The following SH3D19 variants were observed in gnomAD, a reference collection of about 807,000 sequenced individuals.
SH3D19 encodes SH3 domain-containing protein 19.
Under a neutral mutation model 112.1 loss-of-function variants are expected in SH3D19, and 58 were observed. The observed-to-expected ratio is 0.52, with a 90% confidence interval of 0.42 to 0.64. The LOEUF is 0.64. Among genes scored for constraint, SH3D19 ranks in the 30% least tolerant of loss-of-function variants. The probability of loss-of-function intolerance (pLI) is 0.00; values close to 1 mark genes in which losing one functional copy is unlikely to be tolerated. For missense variants in SH3D19, 1,090 were observed against 1,263.4 expected, an observed-to-expected ratio of 0.86 and a Z score of 2.08; for synonymous variants, 391 against 448.5, an observed-to-expected ratio of 0.87 and a Z score of 1.62.
chr4:151,313,860 C>T (rs982374375), intron 1 of SH3D19, among the ~76,000 whole-genome samples: 8 of 152,176 alleles, frequency 5.3e-5, no homozygotes, highest in African/African-American at 1.2e-4. Flanking sequence ...GGATCATTTA[C>T]ATGGGTGATA....
intron 1 of SH3D19, among the ~76,000 whole-genome samples, chr4:151,320,614 G>A (rs932140145): frequency 6.6e-6 from 1 of 152,034 alleles, no homozygotes; most frequent in African/African-American, 2.4e-5. Context: ...GAGTGGAGGT[G>A]GAAGAAGATA....
At chr4:151,294,761 G>A (rs954989197) in intron 1 of SH3D19, among the ~76,000 whole-genome samples, 1 of 152,212 alleles carries the variant, frequency 6.6e-6, no homozygotes, top group African/African-American at 2.4e-5. Context: ...TGCAGTGGAA[G>A]ACAGACAATA....
chr4:151,288,625 C>T (rs572049465), intron 1 of SH3D19, among the ~76,000 whole-genome samples: 5 of 151,654 alleles, frequency 3.3e-5, no homozygotes, highest in South Asian at 4.2e-4. Context: ...GCTGAGATCT[C>T]GCCACTGCAC....
At chr4:151,251,640 TA>T (rs1337245243) in intron 1 of SH3D19, among the ~76,000 whole-genome samples, 1 of 152,190 alleles carries the variant, frequency 6.6e-6, no homozygotes, top group Non-Finnish European at 1.5e-5. Context: ...CTTTCCAGCT[TA>T]AGTTAGTGAT....
At chr4:151,306,598 T>C (rs1419363823) in intron 1 of SH3D19, among the ~76,000 whole-genome samples, 6 of 152,222 alleles carry the variant, frequency 3.9e-5, no homozygotes, top group Non-Finnish European at 8.8e-5. Context: ...ATTAACTTCA[T>C]TAAACATTCA....
intron 1 of SH3D19, among the ~76,000 whole-genome samples, chr4:151,270,652 T>C (rs1166298755): frequency 2.0e-5 from 3 of 152,152 alleles, no homozygotes; most frequent in Admixed American, 2.0e-4. Flanking sequence ...CCATGAACAC[T>C]TGAGTAATGC....
At chr4:151,189,419 C>T (rs1425968252) in intron 2 of SH3D19, among the ~76,000 whole-genome samples, 1 of 152,090 alleles carries the variant, frequency 6.6e-6, no homozygotes, top group African/African-American at 2.4e-5. Context: ...GGCCAAGTTT[C>T]TGTTGTTTTA....
intron 1 of SH3D19, among the ~76,000 whole-genome samples, chr4:151,249,311 G>A (rs1771183955): frequency 6.6e-6 from 1 of 152,100 alleles, no homozygotes; most frequent in South Asian, 2.1e-4. Flanking sequence ...CTTAAGACTT[G>A]TTTTCAAATG....
intron 16 of SH3D19, 148 bp from the exon 17 acceptor site, chr4:151,132,531 T>C: frequency 1.5e-6 from 1 of 654,628 alleles, no homozygotes; most frequent in Non-Finnish European, 2.6e-6. Context: ...TATGTTGCGT[T>C]AACCTGTACT....
chr4:151,275,557 C>T (rs775234098), intron 1 of SH3D19, among the ~76,000 whole-genome samples: 4 of 151,714 alleles, frequency 2.6e-5, no homozygotes, highest in East Asian at 2.0e-4. Flanking sequence ...AGGTTCTTTC[C>T]GTCGCCCAAG....
At chr4:151,300,478 AC>A (rs1259606896) in intron 1 of SH3D19, 2 of 152,198 alleles carry the variant, frequency 1.3e-5, no homozygotes, top group African/African-American at 2.4e-5. Flanking sequence ...AACTAGGAAT[AC>A]TAAAAAAAAA....
chr4:151,239,039 T>A (rs1770355219), intron 1 of SH3D19, among the ~76,000 whole-genome samples: 1 of 152,238 alleles, frequency 6.6e-6, no homozygotes, highest in Non-Finnish European at 1.5e-5. Context: ...TTTTTCACAG[T>A]TCTAAAGATT....
At chr4:151,226,469 T>C (rs1769016288) in intron 1 of SH3D19, 2 of 990,578 alleles carry the variant, frequency 2.0e-6, no homozygotes, top group African/African-American at 1.7e-5. Context: ...GAATCATGGT[T>C]GGCAGAAGCT....
intron 2 of SH3D19, among the ~76,000 whole-genome samples, chr4:151,203,102 C>G (rs1764623978): frequency 6.6e-6 from 1 of 152,162 alleles, no homozygotes. Context: ...CCAAGCTTGA[C>G]TCCTAATCCC....
At chr4:151,200,651 T>G (rs1472720398) in intron 2 of SH3D19, among the ~76,000 whole-genome samples, 1 of 152,110 alleles carries the variant, frequency 6.6e-6, no homozygotes, top group Non-Finnish European at 1.5e-5. Context: ...CTTAAGAAAG[T>G]GACAAAGAAA....
At chr4:151,135,946 G>A (rs185478422) in intron 14 of SH3D19, among the ~76,000 whole-genome samples, 10 of 152,040 alleles carry the variant, frequency 6.6e-5, no homozygotes, top group African/African-American at 2.4e-4. Flanking sequence ...TCAGGAGTTC[G>A]AGACTAGTCC....
intron 1 of SH3D19, among the ~76,000 whole-genome samples, chr4:151,301,506 C>T (rs1024211356): frequency 3.3e-5 from 5 of 152,168 alleles, no homozygotes; most frequent in Non-Finnish European, 7.3e-5. Flanking sequence ...GGATTACAAG[C>T]GTGAGCCACC....
At chr4:151,172,507 A>G (rs1459568911) in intron 7 of SH3D19, among the ~76,000 whole-genome samples, 1 of 152,210 alleles carries the variant, frequency 6.6e-6, no homozygotes, top group Admixed American at 6.5e-5. Flanking sequence ...GTCAAGAACT[A>G]TTTGGAAGGT....
At chr4:151,185,427 A>T (rs1405548532) in intron 3 of SH3D19, among the ~76,000 whole-genome samples, 2 of 152,120 alleles carry the variant, frequency 1.3e-5, no homozygotes, top group Admixed American at 1.3e-4. Context: ...GATTTTGCTT[A>T]TAACAGTGAT....
Sources: gnomAD v4.1 joint callset for allele counts (sites outside exome capture counted in the v4.1 genomes callset) on GRCh38, gnomAD v4.1.1 for gene constraint, MANE v1.5 for transcripts, NCBI Gene and HGNC (gene_info 2026-07-23, HGNC 2026-07-21) for gene names.